The following HBS1L variants were observed in gnomAD, a reference collection of about 807,000 sequenced individuals.
HBS1L encodes the protein HBS1-like protein.
HBS1L carries 55 observed loss-of-function variants against 88.9 expected under a neutral mutation model. That is an observed-to-expected ratio of 0.62 (90% CI 0.50 to 0.77). HBS1L has a LOEUF of 0.77. HBS1L is among the 30% of genes least tolerant of loss of function. The pLI, the probability that HBS1L is intolerant of heterozygous loss-of-function variation, is 0.00. For synonymous variants in HBS1L, 267 were observed against 288.5 expected (o/e 0.93, Z 0.76); for missense variants, 741 against 829.3 (o/e 0.89, Z 1.31).
At chr6:134,969,028 C>T (rs1477697893) in intron 16 of HBS1L, among the ~76,000 whole-genome samples, 1 of 152,080 alleles carries the variant, frequency 6.6e-6, no homozygotes, top group Non-Finnish European at 1.5e-5. Flanking sequence ...CCACACATAA[C>T]AGAAATTATA....
chr6:134,981,123 G>A (rs1774819311), intron 13 of HBS1L, among the ~76,000 whole-genome samples: 2 of 151,876 alleles, frequency 1.3e-5, no homozygotes, highest in African/African-American at 4.8e-5. Context: ...TTACAAGGGA[G>A]CCAACCTCAA....
intron 1 of HBS1L, among the ~76,000 whole-genome samples, chr6:135,052,026 G>A (rs1410368493): frequency 6.6e-6 from 1 of 152,180 alleles, no homozygotes; most frequent in African/African-American, 2.4e-5. Context: ...AACTAGAACC[G>A]GGAGTGGGGC....
intron 1 of HBS1L, 100 bp downstream of exon 1, chr6:135,054,549 C>A (rs1470353554): frequency 5.1e-6 from 7 of 1,376,138 alleles, no homozygotes; most frequent in South Asian, 3.6e-5. Context: ...CCCGACAGGG[C>A]AACACTGACG....
chr6:135,037,602 C>A, intron 4 of HBS1L: 1 of 1,548,054 alleles, frequency 6.5e-7, no homozygotes, highest in Non-Finnish European at 8.7e-7. Flanking sequence ...TGATTATGGT[C>A]TTTAAATCTG....
chr6:134,962,344 A>G lies in HBS1L; in HGVS notation c.*2935T>C, dbSNP rs1774206771. 1.3e-5 allele frequency: 2 copies of G among 152,234 alleles called. No individual in the cohort carries two copies. Among genetic ancestry groups the G allele is most frequent in the Admixed American group, 6.5e-5 (1 of 15,284 alleles). The allele number at this position is 152,234 out of a possible 1,614,324, so 9.4% of individuals were successfully genotyped here. A position where few individuals can be genotyped will look rare whatever the true frequency, so the allele number is the denominator to read the frequency against. ...AACTATGTAAAAAAATGCATTGGAG[A>G]GACAGAAAAGAAATACATGAAAACA... On this transcript the variant is annotated 3_prime_UTR_variant, in exon 18 of 18. Transcript: ENST00000367837.
chr6:135,006,824 G>A (rs549268169), intron 4 of HBS1L, among the ~76,000 whole-genome samples: 1 of 152,184 alleles, frequency 6.6e-6, no homozygotes, highest in Non-Finnish European at 1.5e-5. Context: ...ATGTGCATGT[G>A]TATGTGTTAG....
At chr6:135,028,418 T>C (rs1370681800) in intron 4 of HBS1L, among the ~76,000 whole-genome samples, 2 of 152,164 alleles carry the variant, frequency 1.3e-5, no homozygotes, top group African/African-American at 4.8e-5. Context: ...ATTTGTCACC[T>C]TGGATGAAAT....
chr6:134,982,140 G>A (rs1774847590), intron 13 of HBS1L, among the ~76,000 whole-genome samples: 1 of 152,012 alleles, frequency 6.6e-6, no homozygotes, highest in Non-Finnish European at 1.5e-5. Context: ...TTCTGCTACA[G>A]AATATTATTC....
At chr6:135,027,526 A>T (rs1313781752) in intron 4 of HBS1L, among the ~76,000 whole-genome samples, 1 of 152,180 alleles carries the variant, frequency 6.6e-6, no homozygotes, top group Non-Finnish European at 1.5e-5. Flanking sequence ...GCCACTGCAA[A>T]TGTAGTATTC....
Position 134,986,752 on chromosome 6 carries a change from T to G in HBS1L, c.1289A>C (p.Lys430Thr). 2 of 1,566,534 alleles carry G rather than the reference T, an allele frequency of 1.3e-6. No individual in the cohort carries two copies. Among genetic ancestry groups the G allele is most frequent in the Non-Finnish European group, 1.7e-6 (2 of 1,155,030 alleles). Reference protein sequence around the residue: ...EITGKLGHFLKQAGFKESDVG... With the variant: ...EITGKLGHFLTQAGFKESDVG... ...TGATCTTACCTTAAAACCTGCTTGC[T>G]TAAGAAAGTGCCCAAGTTTTCCAGT... The change falls in exon 10 of 18, where the codon AAG (lysine) becomes ACG (threonine). Residue 430 changes from lysine to threonine, a missense_variant. Coordinates refer to ENST00000367837, the MANE Select transcript of HBS1L (RefSeq NM_006620.4).
At chr6:134,992,548 T>C (rs988437185) in intron 8 of HBS1L, among the ~76,000 whole-genome samples, 2 of 152,218 alleles carry the variant, frequency 1.3e-5, no homozygotes, top group East Asian at 1.9e-4. Context: ...ATCCTGATCC[T>C]GTGTAGGCCT....
In HBS1L at chr6:135,036,370, C is replaced by T; in HGVS notation, c.430+3203G>A. The T allele has an allele frequency of 3.9e-6, 5 of 1,269,336 alleles. No individual in the cohort carries two copies. The South Asian group carries it at 1.0e-4, about 27-fold the overall frequency. 78.6% of individuals were successfully genotyped at this position (1,269,336 alleles called of 1,614,324 possible). ...GTATAGGTTACCAACTTAAATAAAG[C>T]CAGTTATCACTGAAAGAAGACATAG... is the stretch of plus-strand genomic sequence containing the variant. On this transcript the variant is annotated intron_variant, in intron 4 of 17. Transcript: ENST00000367837.
At chr6:134,973,121 A>G (rs7755680) in intron 15 of HBS1L, among the ~76,000 whole-genome samples, 72,035 of 152,132 alleles carry the variant, frequency 0.47, 17,312 homozygotes, top group South Asian at 0.56. Context: ...GAAAGCAGGA[A>G]TCTCAATAGA....
chr6:135,022,766 TAA>T (rs961209489), intron 4 of HBS1L, among the ~76,000 whole-genome samples: 6 of 152,086 alleles, frequency 3.9e-5, no homozygotes, highest in Admixed American at 2.6e-4. Context: ...TAAAAAGGAT[TAA>T]AAGATGCATT....
intron 15 of HBS1L, among the ~76,000 whole-genome samples, chr6:134,977,425 G>GT (rs1023946050): frequency 1.0e-3 from 158 of 152,000 alleles, no homozygotes; most frequent in African/African-American, 3.7e-3. Context: ...CAATTAACTT[G>GT]TTGTTACTTG....
chr6:135,002,684 CA>C, intron 5 of HBS1L, 49 bp downstream of exon 5: 1 of 901,890 alleles, frequency 1.1e-6, no homozygotes, highest in Non-Finnish European at 1.6e-6. Flanking sequence ...ACAGTGATTT[CA>C]AAAACTTGGG....
In HBS1L at chr6:135,054,788, A is replaced by C; in HGVS notation, c.-97T>G. On this transcript the variant is annotated 5_prime_UTR_variant, in exon 1 of 18. Coordinates refer to ENST00000367837, the MANE Select transcript of HBS1L (RefSeq NM_006620.4). ...GCCAACTGCAGCCTGGAGAACCCCT[A>C]TGCGCCATCTTGGCTTCCCGCAGGC... is the stretch of plus-strand genomic sequence containing the variant. The C allele has an allele frequency of 6.9e-7, 1 of 1,451,866 alleles. No homozygotes were observed. Among genetic ancestry groups the C allele is most frequent in the Admixed American group, 1.8e-5 (1 of 54,318 alleles). The allele number at this position is 1,451,866 out of a possible 1,614,324, so 89.9% of individuals were successfully genotyped here. A position where few individuals can be genotyped will look rare whatever the true frequency, so the allele number is the denominator to read the frequency against.
chr6:134,996,127 T>C (rs1775282041), intron 7 of HBS1L, among the ~76,000 whole-genome samples: 1 of 152,134 alleles, frequency 6.6e-6, no homozygotes. Context: ...CACTAATTAT[T>C]AAGGTGTCCT....
At chr6:135,053,073 T>C (rs1490729017) in intron 1 of HBS1L, among the ~76,000 whole-genome samples, 1 of 152,220 alleles carries the variant, frequency 6.6e-6, no homozygotes, top group Non-Finnish European at 1.5e-5. Context: ...AGCTTGGTTA[T>C]GATGTCACCA....
Sources: allele counts gnomAD v4.1 joint callset (sites outside exome capture counted in the v4.1 genomes callset), GRCh38; gene constraint gnomAD v4.1.1; transcripts MANE v1.5; gene names NCBI Gene and HGNC (gene_info 2026-07-23, HGNC 2026-07-21).